RAB3GAP1: variants seen among roughly 807,000 people sequenced by gnomAD.
RAB3GAP1 encodes RAB3 GTPase activating protein catalytic subunit 1, also known as rab3 GTPase-activating protein catalytic subunit.
RAB3GAP1 carries 86 observed loss-of-function variants against 130.7 expected under a neutral mutation model. The observed-to-expected ratio is 0.66, with a 90% CI of 0.55 to 0.79. The LOEUF (loss-of-function observed/expected upper bound fraction) is 0.79. Ranked by LOEUF, RAB3GAP1 falls within the 30% of genes least tolerant of loss-of-function variation. The pLI, the probability that RAB3GAP1 is intolerant of heterozygous loss-of-function variation, is 0.00. For missense variants in RAB3GAP1, 1,029 were observed against 1,169.4 expected (o/e 0.88, Z 1.75); for synonymous variants, 367 against 401.7 (o/e 0.91, Z 1.03).
rs540254634 is a variant in RAB3GAP1, at chr2:135,163,254, A to G, written c.2606+153A>G. Among the ~76,000 whole-genome samples, 3 of 152,334 alleles carry G rather than the reference A, an allele frequency of 2.0e-5. No individual in the cohort carries two copies. In the South Asian group the frequency reaches 6.2e-4, roughly 32 times the overall value. ...TAGAGACAGAAATAATTATCATAGC[A>G]TTTGACCTCTCCCGTATTTCTGAGT... On this transcript the variant is annotated intron_variant, in intron 22 of 23. Coordinates refer to ENST00000264158, the MANE Select transcript of RAB3GAP1 (RefSeq NM_012233.3).
At position 135,133,050 on chromosome 2, in the gene RAB3GAP1, A is replaced by G. The variant is rs889309948; in HGVS notation, c.1326+66A>G. 4 of 987,074 alleles carry G rather than the reference A, an allele frequency of 4.1e-6. No homozygotes were observed. The Admixed American group carries it at 7.2e-5, about 18-fold the overall frequency. The allele number at this position is 987,074 out of a possible 1,614,324, so 61.1% of individuals were successfully genotyped here. On this transcript the variant is annotated intron_variant, in intron 14 of 23. Coordinates refer to ENST00000264158, the MANE Select transcript of RAB3GAP1 (RefSeq NM_012233.3). ...CACTGAATTTCTAGAGGTTCTATAT[A>G]TTTCTAGTTTAATAGCTTACTATAT...
chr2:135,106,535 T>G (rs572828712), intron 5 of RAB3GAP1, among the ~76,000 whole-genome samples: 1 of 152,262 alleles, frequency 6.6e-6, no homozygotes, highest in African/African-American at 2.4e-5. Flanking sequence ...GTGCTTTGTT[T>G]AACAGATGCT....
chr2:135,162,449 C>T (rs960736850), intron 19 of RAB3GAP1, 106 bp from the exon 20 acceptor site: 7 of 850,988 alleles, frequency 8.2e-6, no homozygotes, highest in Non-Finnish European at 1.4e-5. Context: ...GGAGTGCTGT[C>T]TTGTTAAGGA....
chr2:135,146,501 C>T (rs1366445823), intron 17 of RAB3GAP1, among the ~76,000 whole-genome samples: 6 of 152,176 alleles, frequency 3.9e-5, no homozygotes, highest in South Asian at 2.1e-4. Context: ...CTTGAGCCAC[C>T]GCCCCTGACT....
rs145748693 is a variant in RAB3GAP1 at position 135,113,211 on chromosome 2, C to G, written c.423C>G (p.Ser141Arg). 6.2e-7 allele frequency: 1 copy of G among 1,613,944 alleles called. No individual in the cohort carries two copies. The highest frequency in any genetic ancestry group is 1.3e-5 in the African/African-American group (1 of 74,908). The stretch of plus-strand genomic sequence containing the variant: ...CTGCACACAGTGACGCTGTTCTCAG[C>G]GAATCTAAGTGCAACCTTCTTCTGA... The part of the protein sequence containing the change: ...APAAHSDAVL[S>R]ESKCNLLLSS... The change falls in exon 6 of 24, where the codon AGC becomes AGG. Residue 141 changes from serine to arginine, a missense_variant. Around this residue, in one of 3 missense-constraint regions of RAB3GAP1, gnomAD observed 510 missense variants for 532.1 expected, o/e 0.96. Coordinates refer to ENST00000264158, the MANE Select transcript of RAB3GAP1 (RefSeq NM_012233.3).
intron 3 of RAB3GAP1, among the ~76,000 whole-genome samples, chr2:135,068,829 A>G (rs558679758): frequency 6.6e-5 from 10 of 152,354 alleles, no homozygotes; most frequent in African/African-American, 2.2e-4. Context: ...CTGTAATTCT[A>G]AACAACAAAC....
intron 3 of RAB3GAP1, among the ~76,000 whole-genome samples, chr2:135,081,860 G>T (rs943398916): frequency 1.3e-5 from 2 of 152,080 alleles, no homozygotes; most frequent in African/African-American, 2.4e-5. Context: ...TTTTAATTGG[G>T]CTGGGTGCAG....
chr2:135,092,024 G>T (rs1413990892), intron 4 of RAB3GAP1, among the ~76,000 whole-genome samples: 1 of 152,172 alleles, frequency 6.6e-6, no homozygotes, highest in Non-Finnish European at 1.5e-5. Flanking sequence ...TGTAGGAATA[G>T]AATTTTGTTA....
chr2:135,112,821 C>G (rs1690845663), intron 5 of RAB3GAP1, among the ~76,000 whole-genome samples: 1 of 136,578 alleles, frequency 7.3e-6, no homozygotes, highest in African/African-American at 3.2e-5. Flanking sequence ...CAAAGTCTCT[C>G]TCTCTCTCTC....
Position 135,170,333 on chromosome 2 carries a change from A to C in RAB3GAP1, c.*1552A>C, listed in dbSNP as rs1284205954. On this transcript the variant is annotated 3_prime_UTR_variant, in exon 24 of 24. Transcript: ENST00000264158. Reference sequence around the variant, plus strand: ...TTCTCCCGCTGAGGCATTTCAGTCTAATTTCATGTGGTTTTGTGCTGTCTC... The same window carrying C: ...TTCTCCCGCTGAGGCATTTCAGTCTCATTTCATGTGGTTTTGTGCTGTCTC... 2 of 152,100 alleles carry C rather than the reference A, an allele frequency of 1.3e-5. No homozygotes were observed. The highest frequency in any genetic ancestry group is 1.3e-4 in the Admixed American group (2 of 15,270). 9.4% of individuals were successfully genotyped at this position (152,100 alleles called of 1,614,324 possible).
chr2:135,122,860 T>C (rs1316593963), intron 8 of RAB3GAP1, among the ~76,000 whole-genome samples: 6 of 152,164 alleles, frequency 3.9e-5, no homozygotes, highest in African/African-American at 1.4e-4. Flanking sequence ...CCTGAGTCTC[T>C]GGGACTACAG....
chr2:135,158,814 C>T (rs549670563), intron 19 of RAB3GAP1, among the ~76,000 whole-genome samples: 2 of 152,168 alleles, frequency 1.3e-5, no homozygotes, highest in African/African-American at 4.8e-5. Context: ...AAATGGAGAT[C>T]GTACACATTG....
chr2:135,138,343 G>A (rs908754178), intron 17 of RAB3GAP1, among the ~76,000 whole-genome samples: 3 of 151,306 alleles, frequency 2.0e-5, no homozygotes, highest in Non-Finnish European at 2.9e-5. Flanking sequence ...CCAGCTACTC[G>A]GGAGGCTGAG....
chr2:135,113,230 C>T lies in RAB3GAP1; in HGVS notation c.442C>T (p.Leu148Phe). 5.0e-6 allele frequency: 8 copies of T among 1,614,148 alleles called. No individual in the cohort carries two copies. In the South Asian group the frequency reaches 6.6e-5, roughly 13 times the overall value. Residue 148 changes from leucine to phenylalanine, a missense_variant, in exon 6 of 24, where the codon CTT becomes TTT. This residue lies in a region of RAB3GAP1 where 510 missense variants were observed against 532.1 expected (regional missense o/e 0.96). Transcript: ENST00000264158. ...AVLSESKCNL[L>F]LSSVSIALGN... ...TCTCAGCGAATCTAAGTGCAACCTT[C>T]TTCTGAGTTCTGTTTCTATTGCCTT...
At position 135,153,783 on chromosome 2, in the gene RAB3GAP1, A is replaced by T; in HGVS notation, c.2196A>T (p.Pro732=). 6.2e-7 allele frequency: 1 copy of T among 1,614,074 alleles called. No individual in the cohort carries two copies. The part of the protein sequence containing the change: ...KGELSARMKI[P]SNMWVEAWET... ...AACTGAGTGCCCGGATGAAGATTCCAAGCAATATGTGGGTAGAAGCCTGGG... is the reference window on the plus strand; with the variant it reads ...AACTGAGTGCCCGGATGAAGATTCCTAGCAATATGTGGGTAGAAGCCTGGG... Residue 732 remains proline (P), a synonymous_variant, in exon 19 of 24, where the codon CCA becomes CCT. Transcript: ENST00000264158.
intron 13 of RAB3GAP1, among the ~76,000 whole-genome samples, chr2:135,131,452 G>C (rs898375434): frequency 3.9e-5 from 6 of 152,000 alleles, no homozygotes; most frequent in Admixed American, 1.3e-4. Context: ...GGATGGTCTC[G>C]ATCTCCTGAC....
At position 135,150,473 on chromosome 2, in the gene RAB3GAP1, T is replaced by TA; in HGVS notation, c.2028_2029insA (p.Ala677SerfsTer11). ...CTCACCTTCGAGCACGCATGCAGAG[T>TA]GCCTGTCTGCTCTCAGATATGGAGT... is the stretch of plus-strand genomic sequence containing the variant. On this transcript the variant is annotated frameshift_variant, in exon 18 of 24. Coordinates refer to ENST00000264158, the MANE Select transcript of RAB3GAP1 (RefSeq NM_012233.3). LOFTEE classifies it high-confidence loss of function. 6.2e-7 allele frequency: 1 copy of TA among 1,614,110 alleles called. No homozygotes were observed. The highest frequency in any genetic ancestry group is 8.5e-7 in the Non-Finnish European group (1 of 1,180,002).
rs139386725 is a variant in RAB3GAP1, at chr2:135,132,810, TTAAA to T, written c.1237-81_1237-78del. On this transcript the variant is annotated intron_variant, in intron 13 of 23. Transcript: ENST00000264158. ...TTAGAGCAGCAAAACCATTAAAAAG[TTAAA>T]TAATGTCTATATGAGTTATAAAAAT... The T allele has an allele frequency of 2.0e-3, 1,688 of 823,802 alleles. 21 individuals are homozygous for T. The African/African-American group carries it at 0.025, about 12-fold the overall frequency. The allele number at this position is 823,802 out of a possible 1,614,324, so 51.0% of individuals were successfully genotyped here. A position where few individuals can be genotyped will look rare whatever the true frequency, so the allele number is the denominator to read the frequency against.
At position 135,064,259 on chromosome 2, in the gene RAB3GAP1, A is replaced by G. The variant is rs551014371; in HGVS notation, c.150+6173A>G. On this transcript the variant is annotated intron_variant, in intron 3 of 23. Transcript: ENST00000264158. Reference sequence around the variant, plus strand: ...CACCACATTTGGGGTGTGTTAGGTCATTATATCTTCAAAATTTTTTTGCCC... The same window carrying G: ...CACCACATTTGGGGTGTGTTAGGTCGTTATATCTTCAAAATTTTTTTGCCC... 2.6e-4 allele frequency among the ~76,000 whole-genome samples: 39 copies of G among 152,156 alleles called. No individual in the cohort carries two copies. The East Asian group carries it at 7.5e-3, about 29-fold the overall frequency.
Sources: gnomAD v4.1 joint callset for allele counts (sites outside exome capture counted in the v4.1 genomes callset) on GRCh38, gnomAD v4.1.1 for gene constraint, gnomAD v4.1.1 regional missense constraint, MANE v1.5 for transcripts, NCBI Gene and HGNC (gene_info 2026-07-23, HGNC 2026-07-21) for gene names.